Variants in GPC6 observed in about 807,000 individuals in gnomAD.
The protein encoded by GPC6 is glypican 6.
In GPC6, 14 loss-of-function variants were observed where a neutral mutation model predicts 55.2. That is an observed-to-expected ratio of 0.25 (90% CI 0.17 to 0.40). GPC6 has a LOEUF of 0.40. Ranked by LOEUF, GPC6 falls within the 10% of genes least tolerant of loss-of-function variation. The pLI is 1.00. For missense variants in GPC6, 641 were observed against 708.5 expected, an observed-to-expected ratio of 0.90 and a Z score of 1.08; for synonymous variants, 278 against 259.6, an observed-to-expected ratio of 1.07 and a Z score of -0.68.
At chr13:93,730,503 G>A (rs912935477) in intron 2 of GPC6, among the ~76,000 whole-genome samples, 1 of 152,132 alleles carries the variant, frequency 6.6e-6, no homozygotes, top group African/African-American at 2.4e-5. Context: ...CCCCAGCAGA[G>A]ATGTCACTGG....
intron 1 of GPC6, among the ~76,000 whole-genome samples, chr13:93,347,809 A>C (rs911878466): frequency 6.6e-6 from 1 of 152,196 alleles, no homozygotes; most frequent in African/African-American, 2.4e-5. Context: ...TGAGTGACTG[A>C]GTCCTCCCAA....
chr13:94,288,934 G>GTTATATATATAACAAAT (rs1566638378), intron 5 of GPC6, among the ~76,000 whole-genome samples: 1,598 of 24,972 alleles, frequency 0.064, 14 homozygotes, highest in Middle Eastern at 0.15. Context: ...AACAAATATA[G>GTTATATATATAACAAAT]ATAGATAGAT....
chr13:93,402,367 C>T (rs991277533), intron 1 of GPC6, among the ~76,000 whole-genome samples: 5 of 152,086 alleles, frequency 3.3e-5, no homozygotes, highest in Admixed American at 1.3e-4. Context: ...TGTAGCACGC[C>T]ATCCCAGATG....
At chr13:93,669,933 C>A (rs975733191) in intron 2 of GPC6, among the ~76,000 whole-genome samples, 3 of 152,060 alleles carry the variant, frequency 2.0e-5, no homozygotes, top group African/African-American at 7.2e-5. Context: ...TATTTAGCAA[C>A]ATATTTGCCT....
chr13:94,339,618 A>G (rs574508433), intron 6 of GPC6, among the ~76,000 whole-genome samples: 4 of 152,304 alleles, frequency 2.6e-5, no homozygotes, highest in Admixed American at 6.5e-5. Flanking sequence ...TGATCTTTGT[A>G]GGTCAAAGTA....
chr13:94,110,560 G>A (rs1349584180), intron 4 of GPC6, among the ~76,000 whole-genome samples: 4 of 152,030 alleles, frequency 2.6e-5, no homozygotes, highest in Admixed American at 2.6e-4. Context: ...GAATGGAGGA[G>A]GGGTTAGAAA....
chr13:93,295,290 C>CAAAAAAAAAAAAAAAAAAAAAAA (rs67379652), intron 1 of GPC6, among the ~76,000 whole-genome samples: 4 of 66,680 alleles, frequency 6.0e-5, no homozygotes, highest in African/African-American at 2.3e-4. Context: ...GACCCTGTCT[C>CAAAAAAAAAAAAAAAAAAAAAAA]AAAAAAAAAA....
intron 4 of GPC6, among the ~76,000 whole-genome samples, chr13:94,250,256 T>C (rs920541488): frequency 6.6e-6 from 1 of 152,124 alleles, no homozygotes; most frequent in African/African-American, 2.4e-5. Context: ...AAGGGACAAA[T>C]CACACCAGGA....
chr13:94,150,546 C>T (rs1209063272), intron 4 of GPC6, among the ~76,000 whole-genome samples: 1 of 151,992 alleles, frequency 6.6e-6, no homozygotes, highest in Non-Finnish European at 1.5e-5. Context: ...ATGCAATATA[C>T]TTTTCTTATT....
At chr13:93,872,115 C>A (rs1454827204) in intron 3 of GPC6, among the ~76,000 whole-genome samples, 1 of 151,838 alleles carries the variant, frequency 6.6e-6, no homozygotes, top group Admixed American at 6.6e-5. Context: ...ACATAAAAGC[C>A]TTTTTGAAAT....
Position 94,403,522 on chromosome 13 carries a change from G to C in GPC6, c.*305G>C. On this transcript the variant is annotated 3_prime_UTR_variant, in exon 9 of 9. Coordinates refer to ENST00000377047, the MANE Select transcript of GPC6 (RefSeq NM_005708.5). ...TTTGCTTTTATGCTGCAGAAGTAAA[G>C]GAATCTCACGTTGTGAGGGTTTTTT... 1 of 372,940 alleles carries C rather than the reference G, an allele frequency of 2.7e-6. No individual in the cohort carries two copies. The highest frequency in any genetic ancestry group is 5.6e-5 in the East Asian group (1 of 17,750). The allele number at this position is 372,940 out of a possible 1,614,324, so 23.1% of individuals were successfully genotyped here. A position where few individuals can be genotyped will look rare whatever the true frequency, so the allele number is the denominator to read the frequency against.
Position 93,237,779 on chromosome 13 carries a change from C to T in GPC6, c.160+10163C>T, listed in dbSNP as rs138019826. 8.4e-3 allele frequency among the ~76,000 whole-genome samples: 1,206 copies of T among 142,924 alleles called. 13 individuals carry two copies. Among genetic ancestry groups the T allele is most frequent in the African/African-American group, 0.029 (1,072 of 37,602 alleles). The allele number at this position is 142,924 out of a possible 152,430, so 93.8% of individuals were successfully genotyped here. On this transcript the variant is annotated intron_variant, in intron 1 of 8. Coordinates refer to ENST00000377047, the MANE Select transcript of GPC6 (RefSeq NM_005708.5). Reference sequence around the variant, plus strand: ...ATAGGGATCCAGTTTTATTCTTGTGCATGTGACTAGACAGTTTTCTCAGGA... The same window carrying T: ...ATAGGGATCCAGTTTTATTCTTGTGTATGTGACTAGACAGTTTTCTCAGGA...
At chr13:93,274,415 C>A (rs1202089155) in intron 1 of GPC6, among the ~76,000 whole-genome samples, 1 of 152,232 alleles carries the variant, frequency 6.6e-6, no homozygotes, top group South Asian at 2.1e-4. Flanking sequence ...AATTCTTCTA[C>A]TATCAATATA....
At chr13:93,671,668 A>G (rs1462222481) in intron 2 of GPC6, among the ~76,000 whole-genome samples, 1 of 151,898 alleles carries the variant, frequency 6.6e-6, no homozygotes, top group African/African-American at 2.4e-5. Context: ...GATGGCCCAC[A>G]GCCCTCTCTC....
At chr13:94,044,788 GTGA>G (rs1883667596) in intron 4 of GPC6, among the ~76,000 whole-genome samples, 2 of 151,870 alleles carry the variant, frequency 1.3e-5, no homozygotes, top group Non-Finnish European at 2.9e-5. Context: ...ATAAGACAAG[GTGA>G]TGTCAGATTT....
intron 3 of GPC6, among the ~76,000 whole-genome samples, chr13:94,021,930 C>T (rs1361177679): frequency 6.6e-6 from 1 of 151,690 alleles, no homozygotes. Context: ...TTCTTTTTTC[C>T]CAACTAATAT....
At chr13:93,494,429 G>A (rs1044518415) in intron 1 of GPC6, among the ~76,000 whole-genome samples, 17 of 151,652 alleles carry the variant, frequency 1.1e-4, no homozygotes, top group African/African-American at 4.1e-4. Context: ...CTGCACGTGA[G>A]ATGGGTTTCC....
At chr13:93,472,013 A>G (rs1277946609) in intron 1 of GPC6, among the ~76,000 whole-genome samples, 2 of 152,034 alleles carry the variant, frequency 1.3e-5, no homozygotes, top group Non-Finnish European at 2.9e-5. Context: ...GTCTATTTCT[A>G]TTTTCACAAT....
At chr13:93,619,497 GGA>G (rs1878864124) in intron 2 of GPC6, among the ~76,000 whole-genome samples, 1 of 152,104 alleles carries the variant, frequency 6.6e-6, no homozygotes, top group South Asian at 2.1e-4. Flanking sequence ...TTGTCACCCA[GGA>G]TAGAGTTCAG....
Sources: allele counts gnomAD v4.1 joint callset (sites outside exome capture counted in the v4.1 genomes callset), GRCh38; gene constraint gnomAD v4.1.1; transcripts MANE v1.5; gene names NCBI Gene and HGNC (gene_info 2026-07-23, HGNC 2026-07-21).